UNC13C: variants seen among roughly 807,000 people sequenced by gnomAD.
UNC13C encodes protein unc-13 homolog C.
UNC13C carries 174 observed loss-of-function variants against 245.4 expected under a neutral mutation model. That is an observed-to-expected ratio of 0.71 (90% confidence interval 0.63 to 0.80). UNC13C has a LOEUF of 0.80. Among genes scored for constraint, UNC13C ranks in the 30% least tolerant of loss-of-function variants. The pLI is 0.00. For synonymous variants in UNC13C, 992 were observed against 895.1 expected, an observed-to-expected ratio of 1.11 and a Z score of -1.93; for missense variants, 2,829 against 2,602.9, an observed-to-expected ratio of 1.09 and a Z score of -1.89.
At chr15:54,376,618 G>A (rs891559798) in intron 17 of UNC13C, among the ~76,000 whole-genome samples, 19 of 152,256 alleles carry the variant, frequency 1.2e-4, no homozygotes, top group African/African-American at 4.3e-4. Context: ...AGAAAGACTC[G>A]AAGGTAGTTT....
At chr15:53,938,126 C>T in the UNC13C span, among the ~76,000 whole-genome samples, 45 of 152,042 alleles carry the variant, frequency 3.0e-4, no homozygotes, top group Non-Finnish European at 5.1e-4. Flanking sequence ...GGTATGCTGT[C>T]TTCAAGAGAC....
At chr15:54,049,010 T>A in intron 2 of UNC13C, 1 of 378,434 alleles carries the variant, frequency 2.6e-6, no homozygotes. Context: ...GTTTGAGAAT[T>A]TTTTCTTCCT....
the UNC13C span, among the ~76,000 whole-genome samples, chr15:53,936,746 G>A: frequency 1.3e-5 from 2 of 152,188 alleles, no homozygotes; most frequent in East Asian, 1.9e-4. Flanking sequence ...AGTCACTAGG[G>A]TCTGGAGTGG....
intron 4 of UNC13C, among the ~76,000 whole-genome samples, chr15:54,222,916 T>C (rs1251576244): frequency 2.6e-5 from 4 of 152,114 alleles, no homozygotes; most frequent in Non-Finnish European, 4.4e-5. Flanking sequence ...TATTCAGATA[T>C]TTTGCCCATT....
chr15:53,920,919 A>C, the UNC13C span, among the ~76,000 whole-genome samples: 1 of 151,534 alleles, frequency 6.6e-6, no homozygotes, highest in Non-Finnish European at 1.5e-5. Flanking sequence ...TAATAGCCAC[A>C]ACAATAAGAG....
At position 54,567,858 on chromosome 15, in the gene UNC13C, A is replaced by C; in HGVS notation, c.6017A>C (p.Asp2006Ala). Reference protein sequence around the residue: ...LKKNFLEKSPDLQSLRYALSL... With the variant: ...LKKNFLEKSPALQSLRYALSL... ...AAGAATTTCTTGGAGAAAAGCCCAGATCTTCAGTCTCTGAGATATGCTCTC... is the reference window on the plus strand; with the variant it reads ...AAGAATTTCTTGGAGAAAAGCCCAGCTCTTCAGTCTCTGAGATATGCTCTC... The change falls in exon 30 of 33, where the codon GAT becomes GCT. Residue 2006 changes from aspartate to alanine, a missense_variant. By Grantham distance (126) the Asp-to-Ala change is moderately radical. Coordinates refer to ENST00000260323, the MANE Select transcript of UNC13C (RefSeq NM_001080534.3). 6.2e-7 allele frequency: 1 copy of C among 1,604,300 alleles called. No homozygotes were observed. Among genetic ancestry groups the C allele is most frequent in the Middle Eastern group, 1.7e-4 (1 of 6,026 alleles).
rs138560643 is a variant in UNC13C, at chr15:54,010,432, C to G, written c.-256-2216C>G. 4.6e-5 allele frequency among the ~76,000 whole-genome samples: 7 copies of G among 151,672 alleles called. No individual in the cohort carries two copies. The East Asian group carries it at 1.2e-3, about 25-fold the overall frequency. ...CTGATGTTGATCCTTGGCTGGGTCT[C>G]AAATATATAGATATTCTATAGATAT... On this transcript the variant is annotated intron_variant, in intron 1 of 32. Coordinates refer to ENST00000260323, the MANE Select transcript of UNC13C (RefSeq NM_001080534.3).
chr15:54,455,210 T>TCTCC (rs1567289129), intron 19 of UNC13C, among the ~76,000 whole-genome samples: 7 of 61,620 alleles, frequency 1.1e-4, no homozygotes, highest in African/African-American at 5.1e-4. Flanking sequence ...TCTCTCTATA[T>TCTCC]ATATATATAT....
At chr15:53,919,424 T>C in the UNC13C span, among the ~76,000 whole-genome samples, 23,694 of 152,154 alleles carry the variant, frequency 0.16, 2,184 homozygotes, top group Middle Eastern at 0.23. Context: ...AGAGCTCACC[T>C]GGTTGAGTAA....
At chr15:54,225,774 G>A (rs757236757) in intron 4 of UNC13C, among the ~76,000 whole-genome samples, 36 of 152,118 alleles carry the variant, frequency 2.4e-4, no homozygotes, top group Non-Finnish European at 4.4e-4. Context: ...TTGACTTCTT[G>A]TCTTCCCATT....
chr15:54,336,370 T>C (rs1203305152), intron 16 of UNC13C, among the ~76,000 whole-genome samples: 1 of 140,430 alleles, frequency 7.1e-6, no homozygotes, highest in African/African-American at 2.5e-5. Flanking sequence ...TTATATGTTT[T>C]GAATACAATT....
the UNC13C span, among the ~76,000 whole-genome samples, chr15:53,845,089 G>A: frequency 6.6e-6 from 1 of 152,118 alleles, no homozygotes; most frequent in Non-Finnish European, 1.5e-5. Context: ...ACTTTGGGAG[G>A]CCAAGGTGGG....
intron 18 of UNC13C, among the ~76,000 whole-genome samples, chr15:54,402,726 G>A (rs530351601): frequency 4.6e-5 from 7 of 152,006 alleles, no homozygotes; most frequent in South Asian, 2.1e-4. Context: ...ACTAACTTAC[G>A]CAAAATGACT....
rs557546484 is a variant in UNC13C, at chr15:54,029,759, C to A, written c.2983+13873C>A. Among the ~76,000 whole-genome samples, 139 of 152,258 alleles carry A rather than the reference C, an allele frequency of 9.1e-4. 1 individual carries two copies. The highest frequency in any genetic ancestry group is 3.5e-4 in the Non-Finnish European group (24 of 68,024). ...AGCCTTCACACAGCTTCAGAAGGTGCGGCAGAGGTTCCCGGGACCCTATGC... is the reference window on the plus strand; with the variant it reads ...AGCCTTCACACAGCTTCAGAAGGTGAGGCAGAGGTTCCCGGGACCCTATGC... On this transcript the variant is annotated intron_variant, in intron 2 of 32. Coordinates refer to ENST00000260323, the MANE Select transcript of UNC13C (RefSeq NM_001080534.3).
intron 2 of UNC13C, among the ~76,000 whole-genome samples, chr15:54,077,349 A>C (rs369363260): frequency 1.1e-5 from 1 of 94,762 alleles, no homozygotes; most frequent in Non-Finnish European, 2.3e-5. Flanking sequence ...TTTCTTTTTT[A>C]TTTTTCCTTT....
At position 54,357,241 on chromosome 15, in the gene UNC13C, A is replaced by G. The variant is rs149568915; in HGVS notation, c.4713+18752A>G. On this transcript the variant is annotated intron_variant, in intron 17 of 32. Coordinates refer to ENST00000260323, the MANE Select transcript of UNC13C (RefSeq NM_001080534.3). ...TATTTTTATATAAATTGTGATGAAA[A>G]CATTGTCTTAAAGCAGTGTTTTATT... 2.6e-5 allele frequency among the ~76,000 whole-genome samples: 4 copies of G among 152,166 alleles called. No individual in the cohort carries two copies. The East Asian group carries it at 7.7e-4, about 29-fold the overall frequency.
the UNC13C span, among the ~76,000 whole-genome samples, chr15:53,855,241 C>T: frequency 6.6e-6 from 1 of 152,182 alleles, no homozygotes; most frequent in Non-Finnish European, 1.5e-5. Flanking sequence ...CATCTGTAAG[C>T]AGAGACAATT....
At chr15:54,451,502 A>T (rs927638316) in intron 19 of UNC13C, among the ~76,000 whole-genome samples, 1 of 151,992 alleles carries the variant, frequency 6.6e-6, no homozygotes, top group Non-Finnish European at 1.5e-5. Context: ...TATTTTAAAG[A>T]CCTGTCTTTA....
intron 4 of UNC13C, among the ~76,000 whole-genome samples, chr15:54,178,860 T>A (rs563098272): frequency 6.6e-6 from 1 of 151,936 alleles, no homozygotes; most frequent in African/African-American, 2.4e-5. Flanking sequence ...GGAAATAAAA[T>A]CCCGCTTGAG....
Sources: allele counts gnomAD v4.1 joint callset (sites outside exome capture counted in the v4.1 genomes callset), GRCh38; gene constraint gnomAD v4.1.1; transcripts MANE v1.5; gene names NCBI Gene and HGNC (gene_info 2026-07-23, HGNC 2026-07-21).